JAM3: variants seen among roughly 807,000 people sequenced by gnomAD.
JAM3 encodes the protein junctional adhesion molecule C.
JAM3 carries 31 observed loss-of-function variants against 39.4 expected under a neutral mutation model. The ratio of observed to expected loss-of-function variants is 0.79; its 90% CI spans 0.59 to 1.06. The LOEUF is 1.06. JAM3 is among the 50% of genes least tolerant of loss of function. The pLI is 0.00. For synonymous variants in JAM3, 182 were observed against 148.7 expected (o/e 1.22, Z -1.63); for missense variants, 455 against 391.4 (o/e 1.16, Z -1.37).
At chr11:134,122,941 T>C (rs1942564208) in intron 1 of JAM3, among the ~76,000 whole-genome samples, 1 of 152,222 alleles carries the variant, frequency 6.6e-6, no homozygotes, top group Non-Finnish European at 1.5e-5. Flanking sequence ...TCCTCCCTTT[T>C]AGAAGACAAG....
chr11:134,134,635 C>T (rs960135741), intron 1 of JAM3, among the ~76,000 whole-genome samples: 3 of 152,124 alleles, frequency 2.0e-5, no homozygotes. Context: ...CAGCAGTGTA[C>T]AGGGTTTGGG....
intron 1 of JAM3, among the ~76,000 whole-genome samples, chr11:134,128,735 T>G (rs1203973933): frequency 6.6e-6 from 1 of 151,778 alleles, no homozygotes; most frequent in African/African-American, 2.4e-5. Flanking sequence ...TCCTGAGGCC[T>G]CAGCCATGTG....
In JAM3 at chr11:134,145,981, G is replaced by A; in HGVS notation, c.648G>A (p.Gln216=). The change falls in exon 6 of 9, where the codon CAG becomes CAA. Residue 216 remains glutamine (Q), a synonymous_variant. Coordinates refer to ENST00000299106, the MANE Select transcript of JAM3 (RefSeq NM_032801.5). ...FTAVHKDDSG[Q]YYCIASNDAG... Reference sequence around the variant, plus strand: ...CTGTTCACAAGGACGACTCTGGGCAGTACTACTGCATTGCTTCCAATGACG... The same window carrying A: ...CTGTTCACAAGGACGACTCTGGGCAATACTACTGCATTGCTTCCAATGACG... The A allele has an allele frequency of 6.2e-7, 1 of 1,614,020 alleles. No individual in the cohort carries two copies. The highest frequency in any genetic ancestry group is 8.5e-7 in the Non-Finnish European group (1 of 1,179,828).
At chr11:134,103,729 A>G (rs905763168) in intron 1 of JAM3, among the ~76,000 whole-genome samples, 2 of 152,220 alleles carry the variant, frequency 1.3e-5, no homozygotes, top group Non-Finnish European at 2.9e-5. Flanking sequence ...CTCTGATAAA[A>G]CAGACTTTAA....
At chr11:134,136,548 A>G (rs918153284) in intron 1 of JAM3, among the ~76,000 whole-genome samples, 1 of 152,198 alleles carries the variant, frequency 6.6e-6, no homozygotes, top group South Asian at 2.1e-4. Flanking sequence ...ATTTGGAAAT[A>G]GAAGAATTGT....
At chr11:134,124,435 A>G (rs1247811836) in intron 1 of JAM3, 4 of 535,314 alleles carry the variant, frequency 7.5e-6, no homozygotes, top group South Asian at 2.2e-5. Flanking sequence ...GACCACTAAA[A>G]TGCCTATTAT....
At chr11:134,119,374 A>G (rs1942493899) in intron 1 of JAM3, among the ~76,000 whole-genome samples, 1 of 152,218 alleles carries the variant, frequency 6.6e-6, no homozygotes, top group Non-Finnish European at 1.5e-5. Context: ...AGCTTTTAGG[A>G]TCGCCACTGG....
At chr11:134,128,475 T>C (rs758280676) in intron 1 of JAM3, among the ~76,000 whole-genome samples, 1 of 152,228 alleles carries the variant, frequency 6.6e-6, no homozygotes, top group Non-Finnish European at 1.5e-5. Context: ...AAATCTCATC[T>C]CAAATTGTAA....
intron 1 of JAM3, among the ~76,000 whole-genome samples, chr11:134,118,620 C>T (rs1942480339): frequency 6.6e-6 from 1 of 152,162 alleles, no homozygotes; most frequent in African/African-American, 2.4e-5. Flanking sequence ...TGCCTTCACC[C>T]TGCCTTTACT....
chr11:134,088,401 TTTTA>T (rs1665865336), intron 1 of JAM3, among the ~76,000 whole-genome samples: 1 of 152,146 alleles, frequency 6.6e-6, no homozygotes, highest in Admixed American at 6.6e-5. Context: ...ACATTTTTTT[TTTTA>T]TTTTTTATTT....
intron 1 of JAM3, among the ~76,000 whole-genome samples, chr11:134,116,649 A>C (rs1336323410): frequency 6.6e-6 from 1 of 151,144 alleles, no homozygotes; most frequent in Non-Finnish European, 1.5e-5. Context: ...TTTTTCAGGG[A>C]GCCCTGATTC....
At chr11:134,096,671 C>A (rs117984295) in intron 1 of JAM3, among the ~76,000 whole-genome samples, 2 of 152,214 alleles carry the variant, frequency 1.3e-5, no homozygotes, top group African/African-American at 4.8e-5. Flanking sequence ...TCCCTTCCTG[C>A]AAGCAAGGAA....
intron 6 of JAM3, among the ~76,000 whole-genome samples, chr11:134,146,835 G>C (rs1412818968): frequency 6.6e-6 from 1 of 152,144 alleles, no homozygotes; most frequent in East Asian, 1.9e-4. Flanking sequence ...CCAGGTGCTG[G>C]GATTAACAGG....
At chr11:134,083,244 T>C (rs562667459) in intron 1 of JAM3, among the ~76,000 whole-genome samples, 28 of 152,318 alleles carry the variant, frequency 1.8e-4, no homozygotes, top group African/African-American at 6.7e-4. Flanking sequence ...TTGGGTGGAA[T>C]TCCTCTGTCA....
chr11:134,104,621 TAAGAA>T (rs769811476), intron 1 of JAM3, among the ~76,000 whole-genome samples: 4 of 150,500 alleles, frequency 2.7e-5, no homozygotes, highest in Admixed American at 1.3e-4. Context: ...GCAAGACTAA[TAAGAA>T]AAGAGAGAAG....
At position 134,149,867 on chromosome 11, in the gene JAM3, G is replaced by A; in HGVS notation, c.*686G>A. 3.3e-6 allele frequency: 1 copy of A among 302,198 alleles called. No homozygotes were observed. The highest frequency in any genetic ancestry group is 3.0e-5 in the South Asian group (1 of 33,716). The allele number at this position is 302,198 out of a possible 1,614,324, so 18.7% of individuals were successfully genotyped here. Reference sequence around the variant, plus strand: ...AAGGAAAACCTTCGTCTTAGGCTAAGTCTGAAATGGTACTGAAATATGCTT... The same window carrying A: ...AAGGAAAACCTTCGTCTTAGGCTAAATCTGAAATGGTACTGAAATATGCTT... On this transcript the variant is annotated 3_prime_UTR_variant, in exon 9 of 9. Transcript: ENST00000299106.
intron 3 of JAM3, among the ~76,000 whole-genome samples, chr11:134,141,146 A>G (rs1418725456): frequency 6.6e-6 from 1 of 152,082 alleles, no homozygotes; most frequent in Admixed American, 6.5e-5. Context: ...AGGGCACAGC[A>G]CAAATGGACT....
intron 1 of JAM3, among the ~76,000 whole-genome samples, chr11:134,076,648 T>A (rs1941575468): frequency 6.6e-6 from 1 of 152,124 alleles, no homozygotes; most frequent in Non-Finnish European, 1.5e-5. Flanking sequence ...AGGCCTAACC[T>A]AAGGATACTT....
At chr11:134,114,663 C>T (rs946153406) in intron 1 of JAM3, among the ~76,000 whole-genome samples, 1 of 152,092 alleles carries the variant, frequency 6.6e-6, no homozygotes, top group African/African-American at 2.4e-5. Context: ...TTTCAGATGC[C>T]TTTCTGTACT....
Sources: allele counts gnomAD v4.1 joint callset (sites outside exome capture counted in the v4.1 genomes callset), GRCh38; gene constraint gnomAD v4.1.1; transcripts MANE v1.5; gene names NCBI Gene and HGNC (gene_info 2026-07-23, HGNC 2026-07-21).